FAM171A1: variants seen among roughly 807,000 people sequenced by gnomAD.
FAM171A1 encodes family with sequence similarity 171 member A1.
A neutral mutation model predicts 74.9 loss-of-function variants in FAM171A1; 23 were observed. The ratio of observed to expected loss-of-function variants is 0.31; its 90% CI spans 0.22 to 0.44. FAM171A1 has a LOEUF of 0.44. Among genes scored for constraint, FAM171A1 ranks in the 20% least tolerant of loss-of-function variants. The pLI is 1.00. For missense variants in FAM171A1, 1,162 were observed against 1,159.2 expected, an observed-to-expected ratio of 1.00 and a Z score of -0.03; for synonymous variants, 527 against 505.7, an observed-to-expected ratio of 1.04 and a Z score of -0.57.
At chr10:15,242,807 G>T (rs950224142) in intron 5 of FAM171A1, among the ~76,000 whole-genome samples, 2 of 151,918 alleles carry the variant, frequency 1.3e-5, no homozygotes, top group Non-Finnish European at 2.9e-5. Context: ...AAAAGGAAGC[G>T]GAAATAGGTC....
intron 1 of FAM171A1, among the ~76,000 whole-genome samples, chr10:15,323,249 TCGAGA>T (rs889960026): frequency 6.6e-6 from 1 of 151,836 alleles, no homozygotes; most frequent in Non-Finnish European, 1.5e-5. Context: ...GGTCAGGAGT[TCGAGA>T]CCAGCCTGGC....
At chr10:15,340,947 C>T (rs190948144) in intron 1 of FAM171A1, among the ~76,000 whole-genome samples, 140 of 152,188 alleles carry the variant, frequency 9.2e-4, no homozygotes, top group African/African-American at 2.9e-3. Flanking sequence ...TAATGCAGGA[C>T]GACATCAACA....
At chr10:15,260,347 T>G (rs552986697) in intron 3 of FAM171A1, among the ~76,000 whole-genome samples, 1 of 152,314 alleles carries the variant, frequency 6.6e-6, no homozygotes, top group East Asian at 1.9e-4. Context: ...AAGAGCATCA[T>G]GAGAACATGG....
At chr10:15,339,891 T>C (rs949187346) in intron 1 of FAM171A1, among the ~76,000 whole-genome samples, 3 of 152,198 alleles carry the variant, frequency 2.0e-5, no homozygotes, top group Non-Finnish European at 4.4e-5. Context: ...ACGTCTTACA[T>C]GGTGGCAGAC....
chr10:15,361,620 C>T (rs7915196), intron 1 of FAM171A1, among the ~76,000 whole-genome samples: 104,740 of 151,892 alleles, frequency 0.69, 36,377 homozygotes, highest in East Asian at 0.87. Context: ...GAGGCAGAGG[C>T]TGCAGTGAGC....
intron 6 of FAM171A1, among the ~76,000 whole-genome samples, chr10:15,216,667 C>T (rs1034625004): frequency 2.8e-4 from 42 of 152,096 alleles, no homozygotes; most frequent in Middle Eastern, 3.4e-3. Context: ...CTCCTGAGTT[C>T]GAGCAATCCA....
intron 1 of FAM171A1, among the ~76,000 whole-genome samples, chr10:15,312,673 G>GGTTT (rs1835374892): frequency 8.2e-5 from 3 of 36,382 alleles, no homozygotes; most frequent in African/African-American, 3.5e-4. Context: ...AGCACTGTGT[G>GGTTT]TTTTTTTTTT....
chr10:15,282,498 C>T (rs554750977), intron 2 of FAM171A1, among the ~76,000 whole-genome samples: 2 of 152,304 alleles, frequency 1.3e-5, no homozygotes, highest in Non-Finnish European at 2.9e-5. Context: ...AGGAACTCAG[C>T]CCTGCGTTTC....
chr10:15,302,543 A>G (rs1835244013), intron 1 of FAM171A1, among the ~76,000 whole-genome samples: 1 of 151,282 alleles, frequency 6.6e-6, no homozygotes, highest in Admixed American at 6.6e-5. Flanking sequence ...ACCCCATGTC[A>G]TTCTAGACTG....
chr10:15,279,457 C>CT (rs1834938224), intron 2 of FAM171A1, among the ~76,000 whole-genome samples: 2 of 151,932 alleles, frequency 1.3e-5, no homozygotes, highest in Admixed American at 6.6e-5. Context: ...GGTAGTGCTG[C>CT]TTTTTTCCCA....
At chr10:15,285,182 G>C (rs1198744153) in intron 1 of FAM171A1, among the ~76,000 whole-genome samples, 1 of 152,226 alleles carries the variant, frequency 6.6e-6, no homozygotes, top group Non-Finnish European at 1.5e-5. Context: ...CCATGGCTGA[G>C]GGGGAACAGC....
chr10:15,277,787 G>A (rs533716884), intron 2 of FAM171A1, among the ~76,000 whole-genome samples: 24 of 150,764 alleles, frequency 1.6e-4, no homozygotes, highest in Middle Eastern at 3.4e-3. Flanking sequence ...ATGCAGTTTC[G>A]CTCTTGCTAC....
chr10:15,240,099 C>G (rs1342641341), intron 5 of FAM171A1, among the ~76,000 whole-genome samples: 1 of 152,362 alleles, frequency 6.6e-6, no homozygotes, highest in Admixed American at 6.5e-5. Flanking sequence ...TAGCTCATGC[C>G]TGTAATCCCA....
intron 1 of FAM171A1, among the ~76,000 whole-genome samples, chr10:15,291,262 A>C (rs1342386233): frequency 1.3e-5 from 2 of 152,234 alleles, no homozygotes; most frequent in African/African-American, 2.4e-5. Flanking sequence ...TAGAGCCAGC[A>C]GGTGGTCAAT....
In FAM171A1 at chr10:15,349,266, G is replaced by A. The variant is rs115992783; in HGVS notation, c.97+21690C>T. The stretch of plus-strand genomic sequence containing the variant: ...GACAGGTGTTCTACAACAAGGCTAA[G>A]TGCACATCTGTCCACCTGGAACAGC... On this transcript the variant is annotated intron_variant, in intron 1 of 7. Coordinates refer to ENST00000378116, the MANE Select transcript of FAM171A1 (RefSeq NM_001010924.2). Among the ~76,000 whole-genome samples the A allele has an allele frequency of 1.9e-3, 294 of 152,294 alleles. 1 individual carries two copies. Among genetic ancestry groups the A allele is most frequent in the African/African-American group, 6.1e-3 (253 of 41,572 alleles).
chr10:15,248,447 A>T (rs886988295), intron 5 of FAM171A1, among the ~76,000 whole-genome samples, 192 bp downstream of exon 5: 6 of 152,190 alleles, frequency 3.9e-5, no homozygotes, highest in Non-Finnish European at 7.3e-5. Context: ...ACTAACAAAA[A>T]ATGAGTTCCC....
At chr10:15,347,641 T>C (rs1835831755) in intron 1 of FAM171A1, among the ~76,000 whole-genome samples, 1 of 151,718 alleles carries the variant, frequency 6.6e-6, no homozygotes, top group Non-Finnish European at 1.5e-5. Context: ...ATGGAGACCA[T>C]CCTGGCCAAC....
intron 3 of FAM171A1, among the ~76,000 whole-genome samples, chr10:15,268,041 C>G (rs151088955): frequency 6.6e-6 from 1 of 152,170 alleles, no homozygotes; most frequent in African/African-American, 2.4e-5. Context: ...AAAGCCACGT[C>G]TGGCAGAAGA....
At chr10:15,219,010 C>T (rs1834002057) in intron 6 of FAM171A1, among the ~76,000 whole-genome samples, 1 of 152,162 alleles carries the variant, frequency 6.6e-6, no homozygotes, top group Admixed American at 6.5e-5. Flanking sequence ...TGGACAGGCG[C>T]AGTGGCTCAT....
Sources: gnomAD v4.1 joint callset for allele counts (sites outside exome capture counted in the v4.1 genomes callset) on GRCh38, gnomAD v4.1.1 for gene constraint, MANE v1.5 for transcripts, NCBI Gene and HGNC (gene_info 2026-07-23, HGNC 2026-07-21) for gene names.